Variants in PSTPIP2 observed in about 807,000 individuals in gnomAD.
PSTPIP2 encodes proline-serine-threonine phosphatase-interacting protein 2.
PSTPIP2 carries 33 observed loss-of-function variants against 63.3 expected under a neutral mutation model. That is an observed-to-expected ratio of 0.52 (90% CI 0.40 to 0.70). PSTPIP2 has a LOEUF of 0.70. Ranked by LOEUF, PSTPIP2 falls within the 30% of genes least tolerant of loss-of-function variation. The pLI is 0.00. For synonymous variants in PSTPIP2, 125 were observed against 132.7 expected, an observed-to-expected ratio of 0.94 and a Z score of 0.40; for missense variants, 312 against 400.7, an observed-to-expected ratio of 0.78 and a Z score of 1.89.
At chr18:46,044,937 T>G (rs1262250668) in intron 1 of PSTPIP2, among the ~76,000 whole-genome samples, 1 of 152,092 alleles carries the variant, frequency 6.6e-6, no homozygotes. Flanking sequence ...ATCAGAGAAA[T>G]GCAAATCAAA....
At chr18:46,031,463 A>G (rs1422404335) in intron 2 of PSTPIP2, among the ~76,000 whole-genome samples, 1 of 152,018 alleles carries the variant, frequency 6.6e-6, no homozygotes, top group Non-Finnish European at 1.5e-5. Flanking sequence ...ACTTCTAAAG[A>G]TTTTCCAGCT....
intron 5 of PSTPIP2, among the ~76,000 whole-genome samples, chr18:46,008,008 G>T (rs1213634412): frequency 1.3e-5 from 2 of 152,184 alleles, no homozygotes; most frequent in East Asian, 3.8e-4. Flanking sequence ...CACTTATGGG[G>T]TGACATTTGT....
intron 6 of PSTPIP2, among the ~76,000 whole-genome samples, chr18:46,003,578 T>A (rs528939285): frequency 1.2e-3 from 178 of 151,742 alleles, no homozygotes; most frequent in African/African-American, 4.2e-3. Flanking sequence ...TTTTTATTTA[T>A]TTTTTTTATT....
intron 11 of PSTPIP2, 34 bp from the exon 12 acceptor site, chr18:45,992,017 G>A: frequency 6.3e-7 from 1 of 1,596,160 alleles, no homozygotes; most frequent in Non-Finnish European, 8.6e-7. Flanking sequence ...GACATGAAGA[G>A]GCAGGCGTCT....
chr18:46,024,138 CT>C (rs1393717743), intron 3 of PSTPIP2, among the ~76,000 whole-genome samples: 2 of 150,770 alleles, frequency 1.3e-5, no homozygotes, highest in African/African-American at 2.4e-5. Flanking sequence ...ATGCAAGGAT[CT>C]TTTTTTTTAA....
intron 3 of PSTPIP2, among the ~76,000 whole-genome samples, chr18:46,019,560 C>T (rs552034402): frequency 1.3e-5 from 2 of 152,112 alleles, no homozygotes; most frequent in African/African-American, 2.4e-5. Context: ...CAGCACGTTG[C>T]GAGGCCAAGG....
At chr18:46,000,353 A>G (rs1441421495) in intron 6 of PSTPIP2, among the ~76,000 whole-genome samples, 1 of 152,146 alleles carries the variant, frequency 6.6e-6, no homozygotes, top group Non-Finnish European at 1.5e-5. Context: ...TTTTGCTTAA[A>G]GATAGTCATG....
intron 5 of PSTPIP2, among the ~76,000 whole-genome samples, chr18:46,009,877 T>C (rs1405843634): frequency 6.6e-6 from 1 of 152,050 alleles, no homozygotes; most frequent in Non-Finnish European, 1.5e-5. Flanking sequence ...ATCCAATGGG[T>C]TTAATACACA....
At chr18:46,061,095 G>A (rs1228305294) in intron 1 of PSTPIP2, among the ~76,000 whole-genome samples, 2 of 152,120 alleles carry the variant, frequency 1.3e-5, no homozygotes, top group African/African-American at 4.8e-5. Context: ...CTTGAGGTCA[G>A]GAGTTCAAGA....
intron 1 of PSTPIP2, among the ~76,000 whole-genome samples, chr18:46,063,798 G>C (rs1909075104): frequency 6.6e-6 from 1 of 152,126 alleles, no homozygotes; most frequent in African/African-American, 2.4e-5. Context: ...AGTTGAATAA[G>C]GCACCAAGTT....
chr18:45,984,165 A>G lies in PSTPIP2; in HGVS notation c.*1294T>C, dbSNP rs1262655529. 1 of 152,144 alleles carries G rather than the reference A, an allele frequency of 6.6e-6. No homozygotes were observed. The highest frequency in any genetic ancestry group is 2.4e-5 in the African/African-American group (1 of 41,422). 9.4% of individuals were successfully genotyped at this position (152,144 alleles called of 1,614,324 possible). On this transcript the variant is annotated 3_prime_UTR_variant, in exon 15 of 15. Coordinates refer to ENST00000409746, the MANE Select transcript of PSTPIP2 (RefSeq NM_024430.4). ...TCTGTCTCAAAAAAAAGAAAAAAAGATGAGGAAATAATCAATCTTCTTCTG... is the reference window on the plus strand; with the variant it reads ...TCTGTCTCAAAAAAAAGAAAAAAAGGTGAGGAAATAATCAATCTTCTTCTG...
At chr18:45,993,772 C>T in intron 9 of PSTPIP2, 69 bp from the exon 10 acceptor site, 1 of 1,357,772 alleles carries the variant, frequency 7.4e-7, no homozygotes, top group African/African-American at 1.4e-5. Flanking sequence ...CTAGCTGTGA[C>T]TTAAGAAACA....
chr18:45,986,161 G>T (rs1256981474), intron 14 of PSTPIP2, among the ~76,000 whole-genome samples: 4 of 152,160 alleles, frequency 2.6e-5, no homozygotes, highest in Non-Finnish European at 1.5e-5. Flanking sequence ...CACTAAATTA[G>T]ACTTCCTTCT....
intron 1 of PSTPIP2, chr18:46,040,954 T>C: frequency 4.4e-6 from 2 of 455,356 alleles, no homozygotes; most frequent in Admixed American, 4.7e-5. Flanking sequence ...TTCCTCATAC[T>C]GCCGGATGGA....
At chr18:46,021,467 T>C (rs557947244) in intron 3 of PSTPIP2, among the ~76,000 whole-genome samples, 4 of 151,420 alleles carry the variant, frequency 2.6e-5, no homozygotes, top group South Asian at 2.1e-4. Flanking sequence ...CAAATAATTA[T>C]ACTAATATTG....
chr18:46,014,751 A>T (rs1017271579), intron 4 of PSTPIP2, among the ~76,000 whole-genome samples: 2 of 152,182 alleles, frequency 1.3e-5, no homozygotes, highest in Non-Finnish European at 2.9e-5. Context: ...TTCCTTAGGC[A>T]ATCAGCCTGT....
intron 1 of PSTPIP2, among the ~76,000 whole-genome samples, chr18:46,058,401 G>A (rs1908851361): frequency 6.6e-6 from 1 of 151,890 alleles, no homozygotes; most frequent in Admixed American, 6.6e-5. Flanking sequence ...CTGTCGCCCA[G>A]GCTGGAGTGT....
intron 3 of PSTPIP2, among the ~76,000 whole-genome samples, chr18:46,017,435 G>A (rs1413934629): frequency 6.6e-6 from 1 of 152,052 alleles, no homozygotes; most frequent in Non-Finnish European, 1.5e-5. Context: ...GAAGATTAAT[G>A]GTTCCCATCA....
intron 9 of PSTPIP2, among the ~76,000 whole-genome samples, chr18:45,995,718 T>C (rs1028765474): frequency 2.0e-5 from 3 of 152,202 alleles, no homozygotes; most frequent in Middle Eastern, 3.4e-3. Flanking sequence ...CAGGACAACA[T>C]GGACTTGGAG....
Sources: gnomAD v4.1 joint callset for allele counts (sites outside exome capture counted in the v4.1 genomes callset) on GRCh38, gnomAD v4.1.1 for gene constraint, MANE v1.5 for transcripts, NCBI Gene and HGNC (gene_info 2026-07-23, HGNC 2026-07-21) for gene names.